JMJD1C: variants seen among roughly 807,000 people sequenced by gnomAD.
JMJD1C encodes the protein jumonji domain containing 1C.
JMJD1C carries 31 observed loss-of-function variants against 245.3 expected under a neutral mutation model. The ratio of observed to expected loss-of-function variants is 0.13; its 90% CI spans 0.09 to 0.17. The LOEUF is 0.17. Ranked by LOEUF, JMJD1C falls within the 10% of genes least tolerant of loss-of-function variation. The pLI is 1.00. For synonymous variants in JMJD1C, 1,057 were observed against 1,017.4 expected (o/e 1.04, Z -0.74); for missense variants, 2,691 against 3,000.2 (o/e 0.90, Z 2.41).
Position 63,465,903 on chromosome 10 carries a change from C to G in JMJD1C, c.-241G>C, listed in dbSNP as rs1330552449. ...TGTGCTGCAGCGCCACACAAGAAAACTGAAACAAAACCCAACGCGGCCGTC... is the reference window on the plus strand; with the variant it reads ...TGTGCTGCAGCGCCACACAAGAAAAGTGAAACAAAACCCAACGCGGCCGTC... On this transcript the variant is annotated 5_prime_UTR_variant, in exon 1 of 26. Transcript: ENST00000399262. The G allele has an allele frequency of 1.6e-6, 1 of 644,794 alleles. No homozygotes were observed. Among genetic ancestry groups the G allele is most frequent in the Non-Finnish European group, 2.8e-6 (1 of 355,460 alleles). The allele number at this position is 644,794 out of a possible 1,614,324, so 39.9% of individuals were successfully genotyped here.
At chr10:63,468,861 C>G (rs1167987907), upstream of JMJD1C, among the ~76,000 whole-genome samples, 1 of 152,138 alleles carries the variant, frequency 6.6e-6, no homozygotes, top group Non-Finnish European at 1.5e-5. Context: ...TGTCTGTTGT[C>G]CCAGCTTCTC....
intron 3 of JMJD1C, among the ~76,000 whole-genome samples, chr10:63,257,033 G>A (rs750755376): frequency 2.6e-5 from 4 of 151,936 alleles, no homozygotes; most frequent in Admixed American, 6.6e-5. Context: ...TTAGGAGTTC[G>A]AGAACATCCT....
chr10:63,387,577 A>C (rs904970749), intron 1 of JMJD1C, among the ~76,000 whole-genome samples: 2 of 150,910 alleles, frequency 1.3e-5, no homozygotes, highest in South Asian at 4.1e-4. Context: ...AAAATCTCAG[A>C]ACTTGACAGA....
At chr10:63,481,843 G>C (rs1953840376) in intron 1 of JMJD1C, among the ~76,000 whole-genome samples, 1 of 152,190 alleles carries the variant, frequency 6.6e-6, no homozygotes, top group African/African-American at 2.4e-5. Flanking sequence ...GAGAGGAGAA[G>C]AGAACCTACG....
At chr10:63,264,909 A>T (rs1363020601) in intron 2 of JMJD1C, 145 bp from the exon 3 acceptor site, 7 of 492,548 alleles carry the variant, frequency 1.4e-5, no homozygotes, top group Non-Finnish European at 2.5e-5. Context: ...ATTATAAACT[A>T]ATGCTTTTAT....
chr10:63,248,112 A>G (rs1458238295), intron 3 of JMJD1C, among the ~76,000 whole-genome samples: 1 of 151,084 alleles, frequency 6.6e-6, no homozygotes, highest in Non-Finnish European at 1.5e-5. Flanking sequence ...CCTGTATCCC[A>G]GCCACTCAGG....
intron 3 of JMJD1C, among the ~76,000 whole-genome samples, chr10:63,232,892 A>G (rs1244276756): frequency 6.6e-6 from 1 of 152,186 alleles, no homozygotes; most frequent in Non-Finnish European, 1.5e-5. Context: ...CCATTAAATT[A>G]ATTTCAAAGT....
intron 2 of JMJD1C, among the ~76,000 whole-genome samples, chr10:63,348,202 T>G (rs1487645871): frequency 2.6e-5 from 1 of 38,894 alleles, no homozygotes; most frequent in East Asian, 3.8e-4. Context: ...CGAGACTTCA[T>G]CTCAAAAAAA....
intron 4 of JMJD1C, 127 bp from the exon 5 acceptor site, chr10:63,217,458 G>T: frequency 1.5e-6 from 1 of 681,244 alleles, no homozygotes; most frequent in Non-Finnish European, 2.3e-6. Flanking sequence ...TCAAAAAAAT[G>T]TTTTAGAAGT....
In JMJD1C at chr10:63,190,900, T is replaced by A. The variant is rs377626799; in HGVS notation, c.6285A>T (p.Gly2095=). ...AAAATCTGGCATCACTCACTGGGGC[T>A]CCCATTGAATATACTGGGGCAAAGG... ...GIAFAPVYSM[G]APSSKSGRTM... is the part of the protein sequence containing the mutation. Residue 2095 remains glycine, a synonymous_variant, in exon 17 of 26, where the codon GGA becomes GGT. Coordinates refer to ENST00000399262, the MANE Select transcript of JMJD1C (RefSeq NM_032776.3). 6.2e-6 allele frequency: 10 copies of A among 1,613,068 alleles called. No homozygotes were observed. Among genetic ancestry groups the A allele is most frequent in the Non-Finnish European group, 7.6e-6 (9 of 1,179,174 alleles).
chr10:63,512,747 G>A (rs2133288960), intron 1 of JMJD1C, among the ~76,000 whole-genome samples: 1 of 152,152 alleles, frequency 6.6e-6, no homozygotes. Flanking sequence ...TCATTTGGGG[G>A]AATTCTCAGT....
intron 3 of JMJD1C, among the ~76,000 whole-genome samples, chr10:63,258,944 G>GTATATATATATAT (rs1383562354): frequency 6.6e-6 from 1 of 152,118 alleles, no homozygotes; most frequent in African/African-American, 2.4e-5. Flanking sequence ...GGAACTGTAG[G>GTATATATATATAT]ACAAAAATAA....
Position 63,207,882 on chromosome 10 carries a change from T to G in JMJD1C, c.3787A>C (p.Asn1263His). ...CTCTGTTCTGAAGAACTCTTAAAAT[T>G]TGCCTGGGAGTCTTTTGGTTCGGGT... ...LIPEPKDSQANFKSSSEQSLT... is the reference protein window; with the variant it reads ...LIPEPKDSQAHFKSSSEQSLT... Residue 1263 changes from asparagine to histidine, a missense_variant, in exon 10 of 26, where the codon AAT (asparagine) becomes CAT (histidine). Around this residue, in one of 9 missense-constraint regions of JMJD1C, gnomAD observed 1,562 missense variants for 1,490.7 expected, o/e 1.05. Transcript: ENST00000399262. 3 of 1,614,150 alleles carry G rather than the reference T, an allele frequency of 1.9e-6. No homozygotes were observed. Among genetic ancestry groups the G allele is most frequent in the Non-Finnish European group, 2.5e-6 (3 of 1,180,000 alleles).
rs191380473 is a variant in JMJD1C at position 63,430,860 on chromosome 10, C to T, written c.168+34635G>A. Among the ~76,000 whole-genome samples the T allele has an allele frequency of 5.8e-3, 885 of 152,294 alleles. 1 individual carries two copies. Among genetic ancestry groups the T allele is most frequent in the Non-Finnish European group, 9.7e-3 (660 of 68,024 alleles). ...CTGGGCTCATGAGATCCTCGCACCT[C>T]AGCTTCCCGAGTAGCTGGGACTACA... On this transcript the variant is annotated intron_variant, in intron 1 of 25. Coordinates refer to ENST00000399262, the MANE Select transcript of JMJD1C (RefSeq NM_032776.3).
intron 2 of JMJD1C, among the ~76,000 whole-genome samples, chr10:63,362,727 T>C (rs989274115): frequency 3.9e-5 from 6 of 152,100 alleles, no homozygotes; most frequent in Admixed American, 1.3e-4. Context: ...GCAATCTGCC[T>C]GCCTTGGACT....
intron 2 of JMJD1C, among the ~76,000 whole-genome samples, chr10:63,278,967 T>C (rs1443016016): frequency 1.3e-5 from 2 of 152,172 alleles, no homozygotes; most frequent in South Asian, 2.1e-4. Flanking sequence ...ACAGAATGGC[T>C]GGCTACGCAC....
chr10:63,408,357 C>T (rs1057242108), intron 1 of JMJD1C, among the ~76,000 whole-genome samples: 3 of 151,672 alleles, frequency 2.0e-5, no homozygotes, highest in Admixed American at 6.6e-5. Flanking sequence ...AAGCCGAGAT[C>T]GCGCCATTGC....
chr10:63,201,650 C>A (rs553926624), intron 10 of JMJD1C, among the ~76,000 whole-genome samples: 1 of 152,242 alleles, frequency 6.6e-6, no homozygotes, highest in African/African-American at 2.4e-5. Flanking sequence ...AGTAAGCTGG[C>A]CGGGCACGGT....
At chr10:63,230,142 G>C (rs1244147635) in intron 3 of JMJD1C, among the ~76,000 whole-genome samples, 1 of 152,208 alleles carries the variant, frequency 6.6e-6, no homozygotes, top group Non-Finnish European at 1.5e-5. Context: ...GGAGGCTGAG[G>C]TGGGCAGATC....
Sources: allele counts gnomAD v4.1 joint callset (sites outside exome capture counted in the v4.1 genomes callset), GRCh38; gene constraint gnomAD v4.1.1; regional missense constraint gnomAD v4.1.1; transcripts MANE v1.5; gene names NCBI Gene and HGNC (gene_info 2026-07-23, HGNC 2026-07-21).